The following ATAD2 variants were observed in gnomAD, a reference collection of about 807,000 sequenced individuals.
ATAD2 encodes ATPase family AAA domain-containing protein 2.
ATAD2 carries 62 observed loss-of-function variants against 168.9 expected under a neutral mutation model. The ratio of observed to expected loss-of-function variants is 0.37; its 90% CI spans 0.30 to 0.45. The LOEUF (loss-of-function observed/expected upper bound fraction) is 0.45. Among genes scored for constraint, ATAD2 ranks in the 20% least tolerant of loss-of-function variants. The probability of loss-of-function intolerance (pLI) is 1.00; values close to 1 mark genes in which losing one functional copy is unlikely to be tolerated. For missense variants in ATAD2, 1,419 were observed against 1,667.8 expected, an observed-to-expected ratio of 0.85 and a Z score of 2.60; for synonymous variants, 613 against 571.6, an observed-to-expected ratio of 1.07 and a Z score of -1.03.
At chr8:123,415,304 T>C (rs1315365103) in intron 1 of ATAD2, among the ~76,000 whole-genome samples, 1 of 152,212 alleles carries the variant, frequency 6.6e-6, no homozygotes, top group Non-Finnish European at 1.5e-5. Context: ...TTATATAGCA[T>C]AGAGGCTATG....
intron 1 of ATAD2, among the ~76,000 whole-genome samples, chr8:123,411,297 G>C (rs144554723): frequency 6.6e-6 from 1 of 152,088 alleles, no homozygotes; most frequent in African/African-American, 2.4e-5. Context: ...CCCATGCTCC[G>C]ATGTTAATGA....
intron 9 of ATAD2, 85 bp downstream of exon 9, chr8:123,361,454 T>C: frequency 9.0e-7 from 1 of 1,114,762 alleles, no homozygotes; most frequent in Non-Finnish European, 1.4e-6. Flanking sequence ...AGCCAGCCTA[T>C]ACTTATACCC....
intron 2 of ATAD2, among the ~76,000 whole-genome samples, chr8:123,376,921 T>C (rs1298920132): frequency 1.3e-5 from 2 of 151,600 alleles, no homozygotes; most frequent in Non-Finnish European, 2.9e-5. Context: ...GGTGAAATCC[T>C]ATCCTCCTAA....
At chr8:123,369,700 A>G (rs1275052500) in intron 7 of ATAD2, 121 bp downstream of exon 7, 2 of 812,848 alleles carry the variant, frequency 2.5e-6, no homozygotes, top group African/African-American at 1.7e-5. Flanking sequence ...GACAACAGTA[A>G]TGAGTATTCA....
chr8:123,372,368 C>G (rs1269142675), intron 3 of ATAD2, among the ~76,000 whole-genome samples: 1 of 152,056 alleles, frequency 6.6e-6, no homozygotes, highest in African/African-American at 2.4e-5. Context: ...ATTATTTGCT[C>G]AGGAAACTGG....
At chr8:123,340,036 C>T (rs1403145197) in intron 19 of ATAD2, among the ~76,000 whole-genome samples, 1 of 151,958 alleles carries the variant, frequency 6.6e-6, no homozygotes, top group African/African-American at 2.4e-5. Flanking sequence ...ACTACAGGCA[C>T]GCACCACCAC....
chr8:123,331,686 G>A (rs1178904028), intron 24 of ATAD2, among the ~76,000 whole-genome samples: 1 of 152,148 alleles, frequency 6.6e-6, no homozygotes, highest in Non-Finnish European at 1.5e-5. Flanking sequence ...TGCTTCTTGG[G>A]AGCACTTCCA....
At chr8:123,384,607 G>T (rs1364842813) in intron 1 of ATAD2, among the ~76,000 whole-genome samples, 1 of 152,174 alleles carries the variant, frequency 6.6e-6, no homozygotes, top group Non-Finnish European at 1.5e-5. Context: ...TATGTAATAA[G>T]CACCCATGTG....
chr8:123,337,201 A>C (rs1049753910), intron 21 of ATAD2, among the ~76,000 whole-genome samples: 1 of 152,156 alleles, frequency 6.6e-6, no homozygotes, highest in East Asian at 1.9e-4. Context: ...TGTCTCTACT[A>C]AAAATACAAA....
At chr8:123,376,224 GGTCTCATCCT>G (rs1160827902) in intron 2 of ATAD2, among the ~76,000 whole-genome samples, 2 of 151,858 alleles carry the variant, frequency 1.3e-5, no homozygotes, top group African/African-American at 2.4e-5. Flanking sequence ...TGACCAACAT[GGTCTCATCCT>G]GTCTCTACTA....
At chr8:123,377,768 G>A (rs571691540) in intron 2 of ATAD2, among the ~76,000 whole-genome samples, 1 of 152,246 alleles carries the variant, frequency 6.6e-6, no homozygotes, top group South Asian at 2.1e-4. Context: ...TAAATAGTAT[G>A]TCATGCTACC....
chr8:123,369,841 T>G lies in ATAD2; in HGVS notation c.911A>C (p.Tyr304Ser), dbSNP rs1829088525. 2.5e-6 allele frequency: 4 copies of G among 1,611,896 alleles called. No homozygotes were observed. The highest frequency in any genetic ancestry group is 1.1e-5 in the South Asian group (1 of 91,038). The change falls in exon 7 of 28, where the codon TAC becomes TCC. Residue 304 changes from tyrosine to serine, a missense_variant. By Grantham distance (144) the Tyr-to-Ser change is moderately radical. Around this residue, in one of 5 missense-constraint regions of ATAD2, gnomAD observed 419 missense variants for 423.5 expected, o/e 0.99. Transcript: ENST00000287394. Reference protein sequence around the residue: ...YYLRQRKATVYYQAPLEKPRH... With the variant: ...YYLRQRKATVSYQAPLEKPRH... ...CTTACTTTCCAATGGAGCCTGATAG[T>G]AAACAGTAGCTTTTCTCTGTCTAAG...
chr8:123,396,507 TGTCCCGC>T, upstream of ATAD2: 1 of 768,198 alleles, frequency 1.3e-6, no homozygotes, highest in South Asian at 1.9e-5. Flanking sequence ...CTCCGCCGTC[TGTCCCGC>T]CCACGCCACC....
chr8:123,415,796 T>C (rs1443437574), intron 1 of ATAD2, among the ~76,000 whole-genome samples: 2 of 152,154 alleles, frequency 1.3e-5, no homozygotes, highest in Non-Finnish European at 2.9e-5. Flanking sequence ...AGTTTCACCA[T>C]GTTGGCCAGG....
chr8:123,341,588 T>C (rs1828063980), intron 19 of ATAD2, among the ~76,000 whole-genome samples: 2 of 152,214 alleles, frequency 1.3e-5, no homozygotes, highest in African/African-American at 4.8e-5. Flanking sequence ...ACAAGAATTT[T>C]GAAGAAACTA....
At chr8:123,367,752 G>A (rs1829025656) in intron 8 of ATAD2, among the ~76,000 whole-genome samples, 1 of 152,176 alleles carries the variant, frequency 6.6e-6, no homozygotes, top group South Asian at 2.1e-4. Context: ...CTGGTCATGT[G>A]AAATAGGATG....
At chr8:123,376,043 G>A (rs1829299117) in intron 2 of ATAD2, among the ~76,000 whole-genome samples, 1 of 149,888 alleles carries the variant, frequency 6.7e-6, no homozygotes, top group South Asian at 2.1e-4. Context: ...AGGCGAAGGT[G>A]GCAGTGAGCC....
At chr8:123,377,541 T>C (rs1364784265) in intron 2 of ATAD2, among the ~76,000 whole-genome samples, 1 of 152,196 alleles carries the variant, frequency 6.6e-6, no homozygotes, top group African/African-American at 2.4e-5. Flanking sequence ...CTATAAGTTT[T>C]ATACAAATAA....
At chr8:123,370,127 A>T in intron 6 of ATAD2, 103 bp from the exon 7 acceptor site, 1 of 983,638 alleles carries the variant, frequency 1.0e-6, no homozygotes, top group Non-Finnish European at 1.5e-6. Context: ...TTTAAAACTT[A>T]TCTACTCCTA....
Sources: gnomAD v4.1 joint callset for allele counts (sites outside exome capture counted in the v4.1 genomes callset) on GRCh38, gnomAD v4.1.1 for gene constraint, gnomAD v4.1.1 regional missense constraint, MANE v1.5 for transcripts, NCBI Gene and HGNC (gene_info 2026-07-23, HGNC 2026-07-21) for gene names.